The following MGAT4D variants were observed in gnomAD, a reference collection of about 807,000 sequenced individuals.
The protein encoded by MGAT4D is alpha-1,3-mannosyl-glycoprotein 4-beta-N-acetylglucosaminyltransferase-like protein MGAT4D.
In MGAT4D, 34 loss-of-function variants were observed where a neutral mutation model predicts 15.9. The observed-to-expected ratio is 2.14, with a 90% CI of 1.62 to 2.84. MGAT4D has a LOEUF of 2.84. Ranked by LOEUF, MGAT4D falls within the 30% of genes most tolerant of loss-of-function variation. The pLI is 0.00. For synonymous variants in MGAT4D, 112 were observed against 48.2 expected, an observed-to-expected ratio of 2.33 and a Z score of -5.49; for missense variants, 327 against 140.2, an observed-to-expected ratio of 2.33 and a Z score of -6.73.
chr4:140,495,692 G>T (rs943077271), intron 1 of MGAT4D, among the ~76,000 whole-genome samples: 3 of 152,062 alleles, frequency 2.0e-5, no homozygotes, highest in Non-Finnish European at 4.4e-5. Context: ...TGAACAAAAA[G>T]GTTATCTATC....
rs2270564 is a variant in MGAT4D, at chr4:140,498,120, G to A, written c.94+9C>T. 2.9e-6 allele frequency: 2 copies of A among 696,408 alleles called. No individual in the cohort carries two copies. The highest frequency in any genetic ancestry group is 5.2e-6 in the Non-Finnish European group (2 of 382,146). 43.1% of individuals were successfully genotyped at this position (696,408 alleles called of 1,614,324 possible). A position where few individuals can be genotyped will look rare whatever the true frequency, so the allele number is the denominator to read the frequency against. On this transcript the variant is annotated intron_variant, in intron 1 of 10. Coordinates refer to ENST00000511113, the MANE Select transcript of MGAT4D (RefSeq NM_001277353.2). ...GGGAAAGGAGGCGGGAGGAGGGCCC[G>A]CCGCTTACTGGTTTGAGTTATCCTG... is the stretch of plus-strand genomic sequence containing the variant.
At chr4:140,458,778 T>C (rs1730974157) in intron 8 of MGAT4D, 1 of 152,108 alleles carries the variant, frequency 6.6e-6, no homozygotes, top group South Asian at 2.1e-4. Context: ...TATTTATAAG[T>C]GTATTTTGAA....
intron 10 of MGAT4D, among the ~76,000 whole-genome samples, chr4:140,448,610 T>C (rs1730280514): frequency 6.6e-6 from 1 of 152,252 alleles, no homozygotes; most frequent in African/African-American, 2.4e-5. Flanking sequence ...TTGTTATATT[T>C]TGATTCTTAG....
intron 4 of MGAT4D, among the ~76,000 whole-genome samples, chr4:140,473,868 A>T (rs1578685269): frequency 6.8e-6 from 1 of 147,196 alleles, no homozygotes. Context: ...CTAGCTAAGC[A>T]TTTTTTTTTT....
At position 140,442,939 on chromosome 4, in the gene MGAT4D, T is replaced by C. The variant is rs868723944; in HGVS notation, c.*497A>G. The C allele has an allele frequency of 2.6e-5, 4 of 152,174 alleles. No individual in the cohort carries two copies. Among genetic ancestry groups the C allele is most frequent in the Non-Finnish European group, 5.9e-5 (4 of 68,006 alleles). The allele number at this position is 152,174 out of a possible 1,614,324, so 9.4% of individuals were successfully genotyped here. ...CAAGATGTTTGATAATCGGTTCAAATGGCACATAGGGATAAGTTTATAGTT... is the reference window on the plus strand; with the variant it reads ...CAAGATGTTTGATAATCGGTTCAAACGGCACATAGGGATAAGTTTATAGTT... On this transcript the variant is annotated 3_prime_UTR_variant, in exon 11 of 11. Coordinates refer to ENST00000511113, the MANE Select transcript of MGAT4D (RefSeq NM_001277353.2).
chr4:140,473,755 G>C (rs139701252), intron 4 of MGAT4D, among the ~76,000 whole-genome samples: 1 of 152,270 alleles, frequency 6.6e-6, no homozygotes, highest in African/African-American at 2.4e-5. Flanking sequence ...CTGGAGTGCA[G>C]TGGTGCAATC....
chr4:140,459,658 T>C (rs1313082513), intron 7 of MGAT4D, 32 bp from the exon 8 acceptor site: 8 of 408,832 alleles, frequency 2.0e-5, no homozygotes, highest in Admixed American at 8.9e-5. Context: ...GACATTAATA[T>C]CTTTGACGCT....
chr4:140,466,859 C>T (rs538252590), intron 5 of MGAT4D, among the ~76,000 whole-genome samples: 17 of 152,110 alleles, frequency 1.1e-4, no homozygotes, highest in East Asian at 3.9e-4. Context: ...GTATGTATCA[C>T]GAAAATGGGG....
chr4:140,486,394 T>G (rs1247120878), intron 1 of MGAT4D, among the ~76,000 whole-genome samples: 1 of 152,170 alleles, frequency 6.6e-6, no homozygotes, highest in Non-Finnish European at 1.5e-5. Flanking sequence ...GGGGTACATG[T>G]GCAGAATGTG....
At chr4:140,491,799 G>A (rs1236910494) in intron 1 of MGAT4D, among the ~76,000 whole-genome samples, 1 of 152,048 alleles carries the variant, frequency 6.6e-6, no homozygotes, top group Non-Finnish European at 1.5e-5. Context: ...ACATCCAAGT[G>A]TCTTCCAGAG....
intron 5 of MGAT4D, among the ~76,000 whole-genome samples, chr4:140,468,358 T>C (rs1212572953): frequency 2.0e-5 from 3 of 152,186 alleles, no homozygotes; most frequent in Admixed American, 2.0e-4. Context: ...ATCAGAAGTA[T>C]TCTCATACAT....
At chr4:140,482,216 A>G (rs1732780631) in intron 2 of MGAT4D, 111 bp downstream of exon 2, 1 of 479,468 alleles carries the variant, frequency 2.1e-6, no homozygotes, top group Non-Finnish European at 3.7e-6. Flanking sequence ...CTCACAATAA[A>G]AGAACCAGTA....
intron 8 of MGAT4D, chr4:140,457,949 G>A (rs758110951): frequency 6.6e-6 from 1 of 152,090 alleles, no homozygotes; most frequent in Non-Finnish European, 1.5e-5. Context: ...GTGAGTATAT[G>A]AAAAACAGAT....
At chr4:140,468,989 T>C (rs1214832954) in intron 5 of MGAT4D, among the ~76,000 whole-genome samples, 1 of 152,132 alleles carries the variant, frequency 6.6e-6, no homozygotes, top group Non-Finnish European at 1.5e-5. Context: ...GAGTCTCCAG[T>C]TCCCTCCTGC....
chr4:140,469,360 A>T (rs1046378110), intron 5 of MGAT4D, among the ~76,000 whole-genome samples: 1 of 152,186 alleles, frequency 6.6e-6, no homozygotes, highest in African/African-American at 2.4e-5. Flanking sequence ...ATTAAAAAGG[A>T]CATTTATTTA....
intron 8 of MGAT4D, chr4:140,458,685 GA>G (rs1170949816): frequency 6.6e-6 from 1 of 152,138 alleles, no homozygotes; most frequent in African/African-American, 2.4e-5. Context: ...TGATAATTTA[GA>G]AATCAAGTTT....
intron 3 of MGAT4D, among the ~76,000 whole-genome samples, chr4:140,477,040 G>T (rs1027110480): frequency 2.6e-5 from 4 of 152,088 alleles, no homozygotes; most frequent in African/African-American, 9.7e-5. Flanking sequence ...TATTTGGCCT[G>T]TGTCCATGGT....
chr4:140,467,958 T>G (rs1160867335), intron 5 of MGAT4D, among the ~76,000 whole-genome samples: 1 of 151,636 alleles, frequency 6.6e-6, no homozygotes, highest in Non-Finnish European at 1.5e-5. Context: ...AGGAAAAGGG[T>G]TTTTAGCTAA....
At chr4:140,482,119 C>T (rs1188511630) in intron 2 of MGAT4D, among the ~76,000 whole-genome samples, 6 of 152,200 alleles carry the variant, frequency 3.9e-5, no homozygotes, top group Middle Eastern at 6.8e-3. Context: ...GTGCAATTCA[C>T]GGAGCCACAA....
Sources: gnomAD v4.1 joint callset for allele counts (sites outside exome capture counted in the v4.1 genomes callset) on GRCh38, gnomAD v4.1.1 for gene constraint, MANE v1.5 for transcripts, NCBI Gene and HGNC (gene_info 2026-07-23, HGNC 2026-07-21) for gene names.